Variants in WDR41 observed in about 807,000 individuals in gnomAD.
WDR41 encodes WD repeat-containing protein 41.
In WDR41, 63 loss-of-function variants were observed where a neutral mutation model predicts 69.3. The observed-to-expected ratio is 0.91, with a 90% CI of 0.74 to 1.12. WDR41 has a LOEUF of 1.12. Ranked by LOEUF, WDR41 falls within the 50% of genes most tolerant of loss-of-function variation. WDR41 has a pLI of 0.00. For synonymous variants in WDR41, 185 were observed against 192.1 expected, an observed-to-expected ratio of 0.96 and a Z score of 0.31; for missense variants, 543 against 534.5, an observed-to-expected ratio of 1.02 and a Z score of -0.16.
Position 77,431,557 on chromosome 5 carries a change from A to G in WDR41, c.*1578T>C, listed in dbSNP as rs909134994. ...TCTGAGGTACGCCTGTATAATGACC[A>G]GAAGGAATTTGCTGTGGTACTTACG... On this transcript the variant is annotated 3_prime_UTR_variant, in exon 13 of 13. Coordinates refer to ENST00000296679, the MANE Select transcript of WDR41 (RefSeq NM_018268.4). 3.3e-5 allele frequency: 5 copies of G among 152,328 alleles called. No individual in the cohort carries two copies. Among genetic ancestry groups the G allele is most frequent in the Non-Finnish European group, 7.3e-5 (5 of 68,030 alleles). 9.4% of individuals were successfully genotyped at this position (152,328 alleles called of 1,614,324 possible).
intron 1 of WDR41, among the ~76,000 whole-genome samples, chr5:77,500,174 T>C (rs1801996338): frequency 1.3e-5 from 2 of 152,184 alleles, no homozygotes; most frequent in Non-Finnish European, 2.9e-5. Context: ...ATTATAAAAA[T>C]GCTGGCATGG....
intron 1 of WDR41, among the ~76,000 whole-genome samples, chr5:77,571,548 A>C (rs1215287818): frequency 6.6e-6 from 1 of 152,198 alleles, no homozygotes; most frequent in African/African-American, 2.4e-5. Flanking sequence ...AGCCTCAAGC[A>C]TAACACTGCA....
In WDR41 at chr5:77,453,957, G is replaced by C. The variant is rs538857745; in HGVS notation, c.412-29C>G. ...CAAAATTTATTTGAAATGTATATCAGGTTAGAAACTTAAGCAGTCATTGTT... is the reference window on the plus strand; with the variant it reads ...CAAAATTTATTTGAAATGTATATCACGTTAGAAACTTAAGCAGTCATTGTT... On this transcript the variant is annotated intron_variant, in intron 5 of 12. Transcript: ENST00000296679. 2.6e-6 allele frequency: 4 copies of C among 1,549,114 alleles called. No homozygotes were observed. In the Admixed American group the frequency reaches 6.7e-5, roughly 26 times the overall value.
At chr5:77,474,824 C>A (rs457764) in intron 2 of WDR41, among the ~76,000 whole-genome samples, 1 of 151,996 alleles carries the variant, frequency 6.6e-6, no homozygotes, top group Admixed American at 6.5e-5. Flanking sequence ...CAAGATGGCC[C>A]AATAGGAACA....
At chr5:77,498,076 A>G (rs1169479776) in intron 1 of WDR41, among the ~76,000 whole-genome samples, 8 of 152,218 alleles carry the variant, frequency 5.3e-5, no homozygotes, top group Admixed American at 5.2e-4. Context: ...AACAGAGGTT[A>G]CCAGGGATGG....
chr5:77,480,921 GGAGGAC>G (rs1035831545), intron 2 of WDR41, among the ~76,000 whole-genome samples: 2 of 151,800 alleles, frequency 1.3e-5, no homozygotes, highest in Non-Finnish European at 2.9e-5. Context: ...AAGTTTCCAT[GGAGGAC>G]TCCCACTACT....
chr5:77,530,384 TAGA>T (rs1463974575), intron 1 of WDR41, among the ~76,000 whole-genome samples: 1 of 151,616 alleles, frequency 6.6e-6, no homozygotes, highest in Non-Finnish European at 1.5e-5. Flanking sequence ...TGTCCAACAA[TAGA>T]AGAATAGACA....
At chr5:77,612,721 T>C (rs1057042197) in intron 1 of WDR41, among the ~76,000 whole-genome samples, 2 of 151,904 alleles carry the variant, frequency 1.3e-5, no homozygotes, top group Non-Finnish European at 2.9e-5. Context: ...GCATTCCCTT[T>C]GAAAACTGGC....
chr5:77,479,329 G>T (rs1325927622), intron 2 of WDR41, among the ~76,000 whole-genome samples: 1 of 151,896 alleles, frequency 6.6e-6, no homozygotes, highest in Non-Finnish European at 1.5e-5. Flanking sequence ...CTACTTTAAA[G>T]TTCATATGGA....
At chr5:77,610,475 G>T (rs1744524390) in intron 1 of WDR41, among the ~76,000 whole-genome samples, 1 of 152,202 alleles carries the variant, frequency 6.6e-6, no homozygotes. Flanking sequence ...AACTCTACAA[G>T]CCAGAAGAGA....
At chr5:77,480,267 G>A (rs1208982959) in intron 2 of WDR41, 1 of 151,088 alleles carries the variant, frequency 6.6e-6, no homozygotes, top group African/African-American at 2.4e-5. Flanking sequence ...TCAGTGTGGC[G>A]ATTCCTCAGG....
intron 2 of WDR41, among the ~76,000 whole-genome samples, chr5:77,478,485 G>C (rs1801071644): frequency 6.6e-6 from 1 of 152,150 alleles, no homozygotes; most frequent in Admixed American, 6.5e-5. Flanking sequence ...CCATGATCAA[G>C]TGGGCTTCAT....
intron 1 of WDR41, among the ~76,000 whole-genome samples, chr5:77,500,825 C>T (rs1461041633): frequency 6.6e-6 from 1 of 152,192 alleles, no homozygotes; most frequent in African/African-American, 2.4e-5. Flanking sequence ...TGAGACATTA[C>T]ATTAAAAACC....
chr5:77,603,690 T>C (rs1273797833), intron 1 of WDR41, among the ~76,000 whole-genome samples: 1 of 152,198 alleles, frequency 6.6e-6, no homozygotes, highest in Non-Finnish European at 1.5e-5. Context: ...TTTCTTCCAG[T>C]AGTTTTATAG....
intron 2 of WDR41, among the ~76,000 whole-genome samples, chr5:77,471,491 G>A (rs932575189): frequency 5.3e-5 from 8 of 152,056 alleles, no homozygotes; most frequent in African/African-American, 9.7e-5. Context: ...TCCCGGAACC[G>A]GTTTTTTGAA....
chr5:77,587,688 T>C (rs866517230), intron 1 of WDR41, among the ~76,000 whole-genome samples: 6 of 152,208 alleles, frequency 3.9e-5, no homozygotes, highest in Non-Finnish European at 8.8e-5. Flanking sequence ...AATGTGATTG[T>C]ATTTGGAGAC....
chr5:77,517,657 T>TATATATATATATATACAC (rs1491454629), intron 1 of WDR41, among the ~76,000 whole-genome samples: 70 of 136,688 alleles, frequency 5.1e-4, no homozygotes, highest in African/African-American at 1.9e-3. Context: ...TATATATATA[T>TATATATATATATATACAC]ACCAGGCTAA....
intron 1 of WDR41, among the ~76,000 whole-genome samples, chr5:77,518,491 T>A (rs1172903572): frequency 6.6e-6 from 1 of 152,102 alleles, no homozygotes; most frequent in Non-Finnish European, 1.5e-5. Flanking sequence ...GGATTATCAG[T>A]TTTAGTGAAC....
intron 9 of WDR41, 114 bp from the exon 10 acceptor site, chr5:77,438,475 G>A (rs1353302363): frequency 7.0e-7 from 1 of 1,419,222 alleles, no homozygotes; most frequent in Non-Finnish European, 9.4e-7. Context: ...CCCATTCCTA[G>A]CCTTTAGCCC....
Sources: allele counts gnomAD v4.1 joint callset (sites outside exome capture counted in the v4.1 genomes callset), GRCh38; gene constraint gnomAD v4.1.1; transcripts MANE v1.5; gene names NCBI Gene and HGNC (gene_info 2026-07-23, HGNC 2026-07-21).